Variants in NALF1 observed in about 807,000 individuals in gnomAD.
NALF1 encodes the protein NALCN channel auxiliary factor 1.
NALF1 carries 3 observed loss-of-function variants against 48.4 expected under a neutral mutation model. The ratio of observed to expected loss-of-function variants is 0.06; its 90% CI spans 0.03 to 0.16. The LOEUF (loss-of-function observed/expected upper bound fraction) is 0.16. NALF1 is among the 10% of genes least tolerant of loss of function. The pLI is 1.00. For missense variants in NALF1, 526 were observed against 571.5 expected (o/e 0.92, Z 0.81); for synonymous variants, 262 against 245.7 (o/e 1.07, Z -0.62).
intron 1 of NALF1, among the ~76,000 whole-genome samples, chr13:107,683,878 G>A (rs1234098719): frequency 3.9e-5 from 6 of 152,182 alleles, no homozygotes; most frequent in African/African-American, 1.2e-4. Context: ...CTGCTGAGGG[G>A]ACCCACATCA....
At chr13:107,318,700 C>T (rs938400384) in intron 1 of NALF1, among the ~76,000 whole-genome samples, 1 of 152,048 alleles carries the variant, frequency 6.6e-6, no homozygotes, top group African/African-American at 2.4e-5. Context: ...TCTACTTTTA[C>T]TAATTTTTCC....
intron 1 of NALF1, among the ~76,000 whole-genome samples, chr13:107,577,381 G>C (rs572713595): frequency 6.6e-5 from 10 of 152,268 alleles, no homozygotes; most frequent in African/African-American, 2.4e-4. Flanking sequence ...GCCACACCTA[G>C]GAGCAACAAG....
chr13:107,527,584 G>A (rs1050139005), intron 1 of NALF1, among the ~76,000 whole-genome samples: 1 of 152,070 alleles, frequency 6.6e-6, no homozygotes, highest in Admixed American at 6.6e-5. Context: ...GTCTGATATG[G>A]TTTGGCTGTG....
intron 1 of NALF1, among the ~76,000 whole-genome samples, chr13:107,596,555 G>T (rs1427977636): frequency 6.6e-6 from 1 of 152,122 alleles, no homozygotes; most frequent in East Asian, 1.9e-4. Flanking sequence ...ATCACTCTCA[G>T]CAAACTAACA....
intron 1 of NALF1, among the ~76,000 whole-genome samples, chr13:107,577,615 T>G (rs1462455246): frequency 6.6e-6 from 1 of 152,228 alleles, no homozygotes; most frequent in Non-Finnish European, 1.5e-5. Flanking sequence ...ATTTAAAGAA[T>G]GATCCTAAGT....
At chr13:107,753,047 A>G (rs1325292702) in intron 1 of NALF1, among the ~76,000 whole-genome samples, 1 of 152,174 alleles carries the variant, frequency 6.6e-6, no homozygotes, top group African/African-American at 2.4e-5. Flanking sequence ...TGTGTCTTTG[A>G]AAACCAGGGT....
chr13:107,556,348 TATAGAG>T (rs1322798799), intron 1 of NALF1, among the ~76,000 whole-genome samples: 14 of 147,558 alleles, frequency 9.5e-5, no homozygotes, highest in Non-Finnish European at 1.8e-4. Context: ...CATATATATA[TATAGAG>T]AGAGAGAGAG....
intron 1 of NALF1, among the ~76,000 whole-genome samples, chr13:107,520,348 T>G (rs1876196581): frequency 6.6e-6 from 1 of 152,198 alleles, no homozygotes; most frequent in Admixed American, 6.5e-5. Flanking sequence ...CTAAGCAACT[T>G]ACATTCCTTC....
intron 1 of NALF1, among the ~76,000 whole-genome samples, chr13:107,460,306 A>G (rs1324277573): frequency 6.6e-6 from 1 of 152,218 alleles, no homozygotes; most frequent in African/African-American, 2.4e-5. Context: ...GACTACACAC[A>G]GAGGTCCTGT....
At chr13:107,507,993 A>T (rs1875758095) in intron 1 of NALF1, among the ~76,000 whole-genome samples, 1 of 152,196 alleles carries the variant, frequency 6.6e-6, no homozygotes, top group African/African-American at 2.4e-5. Context: ...ATAAAAATGA[A>T]TTAGCCTCAG....
chr13:107,425,479 T>C (rs1260279810), intron 1 of NALF1, among the ~76,000 whole-genome samples: 2 of 152,200 alleles, frequency 1.3e-5, no homozygotes, highest in African/African-American at 4.8e-5. Context: ...AATATCAATG[T>C]ACTATGATGT....
At chr13:107,177,243 T>C (rs1566442022) in intron 2 of NALF1, among the ~76,000 whole-genome samples, 1 of 152,300 alleles carries the variant, frequency 6.6e-6, no homozygotes, top group Middle Eastern at 3.4e-3. Flanking sequence ...AGATATTCCA[T>C]GTTCATGGAT....
At chr13:107,199,719 A>G (rs1879470126) in intron 2 of NALF1, among the ~76,000 whole-genome samples, 1 of 152,178 alleles carries the variant, frequency 6.6e-6, no homozygotes, top group African/African-American at 2.4e-5. Flanking sequence ...AGAAGCCTCC[A>G]TACTGCATTG....
chr13:107,778,943 T>G (rs1242527022), intron 1 of NALF1, among the ~76,000 whole-genome samples: 1 of 152,226 alleles, frequency 6.6e-6, no homozygotes, highest in East Asian at 1.9e-4. Flanking sequence ...TCAATTATTT[T>G]TATTAAAAAA....
At chr13:107,820,253 A>C (rs963840784) in intron 1 of NALF1, among the ~76,000 whole-genome samples, 1 of 152,228 alleles carries the variant, frequency 6.6e-6, no homozygotes, top group Admixed American at 6.5e-5. Flanking sequence ...TGAATGATGC[A>C]TTCTGTGGTG....
chr13:107,679,842 A>T (rs1441865183), intron 1 of NALF1, among the ~76,000 whole-genome samples: 3 of 152,218 alleles, frequency 2.0e-5, no homozygotes, highest in Non-Finnish European at 4.4e-5. Context: ...TTACTGAAGA[A>T]TTAGGTTTCT....
intron 1 of NALF1, among the ~76,000 whole-genome samples, chr13:107,268,079 C>G (rs1264236611): frequency 6.7e-6 from 1 of 148,924 alleles, no homozygotes; most frequent in African/African-American, 2.5e-5. Flanking sequence ...CTCCGCTTCC[C>G]AGGTTCAAGG....
chr13:107,258,196 A>G (rs964540), intron 1 of NALF1, among the ~76,000 whole-genome samples: 17,219 of 152,222 alleles, frequency 0.11, 1,139 homozygotes, highest in African/African-American at 0.17. Context: ...ATCTCCATGT[A>G]TCTGATTATA....
intron 1 of NALF1, among the ~76,000 whole-genome samples, chr13:107,352,739 G>A (rs376984916): frequency 2.0e-5 from 3 of 152,148 alleles, no homozygotes; most frequent in East Asian, 3.9e-4. Context: ...GACATGTTGA[G>A]GGGCCTTAGC....
Sources: gnomAD v4.1 joint callset for allele counts (sites outside exome capture counted in the v4.1 genomes callset) on GRCh38, gnomAD v4.1.1 for gene constraint, MANE v1.5 for transcripts, NCBI Gene and HGNC (gene_info 2026-07-23, HGNC 2026-07-21) for gene names.